RIC1: variants seen among roughly 807,000 people sequenced by gnomAD.
RIC1 encodes the protein guanine nucleotide exchange factor subunit RIC1.
A neutral mutation model predicts 169.0 loss-of-function variants in RIC1; 88 were observed. That is an observed-to-expected ratio of 0.52 (90% CI 0.44 to 0.62). The LOEUF is 0.62. Ranked by LOEUF, RIC1 falls within the 20% of genes least tolerant of loss-of-function variation. The pLI is 0.00. For missense variants in RIC1, 1,877 were observed against 1,725.5 expected, an observed-to-expected ratio of 1.09 and a Z score of -1.56; for synonymous variants, 790 against 601.5, an observed-to-expected ratio of 1.31 and a Z score of -4.59.
Position 5,725,432 on chromosome 9 carries a change from C to A in RIC1, c.720+4682C>A, listed in dbSNP as rs1173592461. ...CCTTTATCATTTTTTATTGCGTCTACTTGATTCTTCTCTCTTTACTTCTTC... is the reference window on the plus strand; with the variant it reads ...CCTTTATCATTTTTTATTGCGTCTAATTGATTCTTCTCTCTTTACTTCTTC... On this transcript the variant is annotated intron_variant, in intron 6 of 25. Transcript: ENST00000414202. 1.3e-5 allele frequency among the ~76,000 whole-genome samples: 2 copies of A among 151,982 alleles called. 1 individual carries two copies. Among genetic ancestry groups the A allele is most frequent in the South Asian group, 4.1e-4 (2 of 4,822 alleles).
chr9:5,774,449 A>G lies in RIC1; in HGVS notation c.*203A>G, dbSNP rs1827466317. 4.3e-6 allele frequency: 2 copies of G among 460,736 alleles called. No individual in the cohort carries two copies. Among genetic ancestry groups the G allele is most frequent in the African/African-American group, 3.9e-5 (2 of 51,636 alleles). The allele number at this position is 460,736 out of a possible 1,614,324, so 28.5% of individuals were successfully genotyped here. A position where few individuals can be genotyped will look rare whatever the true frequency, so the allele number is the denominator to read the frequency against. On this transcript the variant is annotated 3_prime_UTR_variant, in exon 26 of 26. Coordinates refer to ENST00000414202, the MANE Select transcript of RIC1 (RefSeq NM_020829.4). ...TGATATAAAGCATCTTTCATAAAAA[A>G]ATTTTAAGCTGCAGTGAAAAGTAAA...
At chr9:5,753,483 T>C in intron 13 of RIC1, 53 bp from the exon 14 acceptor site, 1 of 1,109,506 alleles carries the variant, frequency 9.0e-7, no homozygotes, top group Non-Finnish European at 1.3e-6. Flanking sequence ...TCTTTATGCC[T>C]AATAAAGTAT....
intron 7 of RIC1, among the ~76,000 whole-genome samples, chr9:5,733,068 A>T (rs1423252785): frequency 6.6e-6 from 1 of 152,122 alleles, no homozygotes; most frequent in East Asian, 1.9e-4. Context: ...TTAGCTCATA[A>T]ATTTTAGCTA....
intron 1 of RIC1, among the ~76,000 whole-genome samples, chr9:5,646,964 C>T (rs1033952452): frequency 1.3e-5 from 2 of 151,968 alleles, no homozygotes; most frequent in Non-Finnish European, 2.9e-5. Context: ...GAGTTTTGAT[C>T]ACTTTGAGAC....
rs1446024729 is a variant in RIC1, at chr9:5,700,591, TTATAAA to T, written c.332+10558_332+10563del. Among the ~76,000 whole-genome samples, 20 of 151,568 alleles carry T rather than the reference TTATAAA, an allele frequency of 1.3e-4. No homozygotes were observed. In the East Asian group the frequency reaches 3.7e-3, roughly 28 times the overall value. On this transcript the variant is annotated intron_variant, in intron 3 of 25. Transcript: ENST00000414202. The stretch of plus-strand genomic sequence containing the variant: ...ATTAATGTATATTTATAAATATGCC[TTATAAA>T]TATATAATAAATTATATATTTTGTT...
chr9:5,718,605 A>C (rs980017895), intron 4 of RIC1, among the ~76,000 whole-genome samples: 2 of 152,212 alleles, frequency 1.3e-5, no homozygotes, highest in African/African-American at 4.8e-5. Flanking sequence ...CAGATTTCCA[A>C]CAGCTTAGAT....
chr9:5,752,032 C>T (rs182536984), intron 12 of RIC1, among the ~76,000 whole-genome samples: 34 of 152,272 alleles, frequency 2.2e-4, no homozygotes, highest in African/African-American at 7.7e-4. Flanking sequence ...TGTTAATTCT[C>T]GCCCCACTCC....
At position 5,710,740 on chromosome 9, in the gene RIC1, G is replaced by A. The variant is rs1055572088; in HGVS notation, c.333-3156G>A. ...AATTAACAACCTTAGACAGATTTTG[G>A]CTAATCAAACAAGGTAGGATGGTTT... On this transcript the variant is annotated intron_variant, in intron 3 of 25. Coordinates refer to ENST00000414202, the MANE Select transcript of RIC1 (RefSeq NM_020829.4). Among the ~76,000 whole-genome samples the A allele has an allele frequency of 7.2e-5, 11 of 152,136 alleles. 1 individual carries two copies. The highest frequency in any genetic ancestry group is 6.6e-4 in the Admixed American group (10 of 15,260).
intron 1 of RIC1, among the ~76,000 whole-genome samples, chr9:5,655,947 G>T (rs554579530): frequency 6.6e-6 from 1 of 152,092 alleles, no homozygotes; most frequent in African/African-American, 2.4e-5. Context: ...TCGGCTCACT[G>T]CAAGCTCTGC....
At chr9:5,683,222 C>CT (rs1351995382) in intron 2 of RIC1, among the ~76,000 whole-genome samples, 3 of 152,188 alleles carry the variant, frequency 2.0e-5, no homozygotes, top group Non-Finnish European at 2.9e-5. Flanking sequence ...AAGAGGCACT[C>CT]TGATTTTTAG....
intron 3 of RIC1, among the ~76,000 whole-genome samples, chr9:5,698,827 G>C (rs1015230863): frequency 6.6e-6 from 1 of 152,160 alleles, no homozygotes; most frequent in African/African-American, 2.4e-5. Flanking sequence ...TAAATATAAT[G>C]TGCCTCCATT....
chr9:5,765,288 T>G (rs894684281), intron 19 of RIC1, 126 bp from the exon 20 acceptor site: 2 of 954,338 alleles, frequency 2.1e-6, no homozygotes, highest in Admixed American at 5.2e-5. Context: ...TTTAATCTTA[T>G]TATTAAACTA....
At chr9:5,743,085 T>C (rs1359997696) in intron 9 of RIC1, 72 bp downstream of exon 9, 2 of 1,444,146 alleles carry the variant, frequency 1.4e-6, no homozygotes, top group Non-Finnish European at 1.9e-6. Context: ...ACAAAAACCT[T>C]GTGTCAGAAC....
At chr9:5,636,134 T>C (rs983892121) in intron 1 of RIC1, among the ~76,000 whole-genome samples, 1 of 152,238 alleles carries the variant, frequency 6.6e-6, no homozygotes, top group African/African-American at 2.4e-5. Flanking sequence ...AATCCATAGA[T>C]TGGTTTGGAT....
chr9:5,757,254 A>G, intron 16 of RIC1, 59 bp from the exon 17 acceptor site: 1 of 1,586,804 alleles, frequency 6.3e-7, no homozygotes, highest in Non-Finnish European at 8.6e-7. Flanking sequence ...CTAGTGGAAA[A>G]GAAAGAAAAT....
At chr9:5,743,216 A>G (rs1393794126) in intron 9 of RIC1, among the ~76,000 whole-genome samples, 1 of 152,148 alleles carries the variant, frequency 6.6e-6, no homozygotes, top group Admixed American at 6.5e-5. Flanking sequence ...ACAAAAATGT[A>G]TTTATTTATT....
At chr9:5,702,882 A>G (rs1478450279) in intron 3 of RIC1, among the ~76,000 whole-genome samples, 1 of 152,150 alleles carries the variant, frequency 6.6e-6, no homozygotes, top group Non-Finnish European at 1.5e-5. Flanking sequence ...ATCTCACGAT[A>G]ACTTACTATC....
Position 5,763,707 on chromosome 9 carries a change from T to A in RIC1, c.2680T>A (p.Phe894Ile), listed in dbSNP as rs777346470. ...CACTGTGGCAAAATTTATCACTGAGTTCCCCCTCTTCCTGCAGACAGTTGT... is the reference window on the plus strand; with the variant it reads ...CACTGTGGCAAAATTTATCACTGAGATCCCCCTCTTCCTGCAGACAGTTGT... ...LPTVAKFITE[F>I]PLFLQTVVHC... Residue 894 changes from phenylalanine to isoleucine, a missense_variant, in exon 19 of 26, where the codon TTC becomes ATC. Around this residue, in one of 3 missense-constraint regions of RIC1, gnomAD observed 92 missense variants for 151.5 expected, o/e 0.61. Coordinates refer to ENST00000414202, the MANE Select transcript of RIC1 (RefSeq NM_020829.4). The surrounding 1 kb of genome is among the most constrained non-coding windows in gnomAD (Gnocchi z 5.2). The A allele has an allele frequency of 1.9e-6, 3 of 1,614,142 alleles. No homozygotes were observed. The East Asian group carries it at 6.7e-5, about 36-fold the overall frequency.
At chr9:5,659,821 G>A (rs1819341813) in intron 2 of RIC1, among the ~76,000 whole-genome samples, 2 of 152,118 alleles carry the variant, frequency 1.3e-5, no homozygotes, top group East Asian at 1.9e-4. Context: ...TTCATTCCAA[G>A]TGTGTAGACA....
Sources: allele counts gnomAD v4.1 joint callset (sites outside exome capture counted in the v4.1 genomes callset), GRCh38; gene constraint gnomAD v4.1.1; regional missense constraint gnomAD v4.1.1; non-coding constraint Gnocchi (gnomAD v3.1); transcripts MANE v1.5; gene names NCBI Gene and HGNC (gene_info 2026-07-23, HGNC 2026-07-21).